The following MACROD2 variants were observed in gnomAD, a reference collection of about 807,000 sequenced individuals.
The protein encoded by MACROD2 is mono-ADP ribosylhydrolase 2.
Under a neutral mutation model 70.4 loss-of-function variants are expected in MACROD2, and 36 were observed. That is an observed-to-expected ratio of 0.51 (90% confidence interval 0.39 to 0.68). The LOEUF is 0.68. MACROD2 is among the 30% of genes least tolerant of loss of function. MACROD2 has a pLI of 0.00. For missense variants in MACROD2, 496 were observed against 538.4 expected (o/e 0.92, Z 0.78); for synonymous variants, 172 against 178.8 (o/e 0.96, Z 0.30).
rs1399520247 is a variant in MACROD2 at position 14,862,548 on chromosome 20, T to A, written c.418+177589T>A. 5.9e-4 allele frequency among the ~76,000 whole-genome samples: 12 copies of A among 20,292 alleles called. 1 individual carries two copies. The highest frequency in any genetic ancestry group is 1.3e-3 in the African/African-American group (9 of 7,136). The allele number at this position is 20,292 out of a possible 152,430, so 13.3% of individuals were successfully genotyped here. On this transcript the variant is annotated intron_variant, in intron 5 of 17. Transcript: ENST00000684519. ...ATAAATATATATAAATATATAAAAA[T>A]ATATATATAAATATAAATATATATA...
At chr20:14,025,275 G>A (rs938715417) in intron 2 of MACROD2, among the ~76,000 whole-genome samples, 1 of 151,918 alleles carries the variant, frequency 6.6e-6, no homozygotes, top group Non-Finnish European at 1.5e-5. Flanking sequence ...TTATTTGTCT[G>A]GGTAGCGTTC....
chr20:16,029,368 A>G (rs972279670), intron 15 of MACROD2, among the ~76,000 whole-genome samples: 3 of 152,222 alleles, frequency 2.0e-5, no homozygotes, highest in African/African-American at 2.4e-5. Flanking sequence ...GACACCCACA[A>G]CGAATACCTA....
At chr20:15,434,665 T>C (rs2146363517) in intron 7 of MACROD2, among the ~76,000 whole-genome samples, 2 of 152,172 alleles carry the variant, frequency 1.3e-5, no homozygotes, top group South Asian at 4.1e-4. Context: ...AATCCACTAC[T>C]GAGTATTTAT....
chr20:15,581,427 G>A lies in MACROD2; in HGVS notation c.645+81580G>A, dbSNP rs2048522451. On this transcript the variant is annotated intron_variant, in intron 8 of 17. Coordinates refer to ENST00000684519, the MANE Select transcript of MACROD2 (RefSeq NM_001351661.2). Reference sequence around the variant, plus strand: ...ACTTTTTTTCTCTTTGTGCCTCTGTGACCTCCAGTTATTTCAGTATGGAGA... The same window carrying A: ...ACTTTTTTTCTCTTTGTGCCTCTGTAACCTCCAGTTATTTCAGTATGGAGA... Among the ~76,000 whole-genome samples the A allele has an allele frequency of 2.6e-5, 4 of 152,226 alleles. No individual in the cohort carries two copies. In the South Asian group the frequency reaches 8.3e-4, roughly 32 times the overall value.
Position 15,134,000 on chromosome 20 carries a change from C to T in MACROD2, c.419-95940C>T, listed in dbSNP as rs546472293. ...TCAGCTCACTGCAAGCTCTGCCTCC[C>T]GGGTCACGCCATTCTCCTGCCTCAG... On this transcript the variant is annotated intron_variant, in intron 5 of 17. Coordinates refer to ENST00000684519, the MANE Select transcript of MACROD2 (RefSeq NM_001351661.2). Among the ~76,000 whole-genome samples the T allele has an allele frequency of 3.4e-3, 509 of 148,278 alleles. 3 individuals are homozygous for T. Among genetic ancestry groups the T allele is most frequent in the Non-Finnish European group, 5.4e-3 (363 of 67,062 alleles).
intron 4 of MACROD2, among the ~76,000 whole-genome samples, chr20:14,614,502 C>T (rs577636408): frequency 1.3e-4 from 20 of 152,162 alleles, no homozygotes; most frequent in African/African-American, 4.8e-4. Context: ...GCGTTGGGAA[C>T]GATGGCCGTA....
At chr20:15,922,701 C>A (rs2147293625) in intron 10 of MACROD2, among the ~76,000 whole-genome samples, 1 of 152,318 alleles carries the variant, frequency 6.6e-6, no homozygotes, top group South Asian at 2.1e-4. Context: ...CACCTGCTGC[C>A]CTCCCTGCTT....
At chr20:14,588,689 C>G (rs965164799) in intron 4 of MACROD2, among the ~76,000 whole-genome samples, 1 of 152,092 alleles carries the variant, frequency 6.6e-6, no homozygotes, top group African/African-American at 2.4e-5. Flanking sequence ...GTCTTGAACT[C>G]ATGACCTTGT....
In MACROD2 at chr20:14,489,316, G is replaced by T. The variant is rs562580633; in HGVS notation, c.272-4163G>T. Among the ~76,000 whole-genome samples the T allele has an allele frequency of 4.6e-5, 7 of 152,318 alleles. 1 individual carries two copies. In the South Asian group the frequency reaches 1.2e-3, roughly 27 times the overall value. ...ATTGATAGCTGTATTTGTCTGCGTAGATTGTATTTTCACAGCTGTCAGGTG... is the reference window on the plus strand; with the variant it reads ...ATTGATAGCTGTATTTGTCTGCGTATATTGTATTTTCACAGCTGTCAGGTG... On this transcript the variant is annotated intron_variant, in intron 3 of 17. Transcript: ENST00000684519.
intron 8 of MACROD2, among the ~76,000 whole-genome samples, chr20:15,643,545 A>ATGGT (rs904277415): frequency 1.4e-5 from 2 of 143,522 alleles, no homozygotes; most frequent in African/African-American, 5.3e-5. Flanking sequence ...TTTATGGAAT[A>ATGGT]TGGTTTGTTT....
chr20:14,378,320 G>A (rs558834999), intron 3 of MACROD2, among the ~76,000 whole-genome samples: 1 of 152,170 alleles, frequency 6.6e-6, no homozygotes, highest in African/African-American at 2.4e-5. Flanking sequence ...GGCTGTCATG[G>A]TTTCCAGGCC....
chr20:15,418,331 G>A (rs1178509351), intron 6 of MACROD2, among the ~76,000 whole-genome samples: 1 of 152,162 alleles, frequency 6.6e-6, no homozygotes, highest in Non-Finnish European at 1.5e-5. Flanking sequence ...ATTGTTGAAT[G>A]TGTATTCTCT....
At chr20:15,021,121 CGTGTGTAT>C (rs1276133736) in intron 5 of MACROD2, among the ~76,000 whole-genome samples, 2 of 102,146 alleles carry the variant, frequency 2.0e-5, no homozygotes, top group African/African-American at 8.5e-5. Context: ...TGTGTATACA[CGTGTGTAT>C]ACACATACGT....
chr20:14,802,036 T>A (rs1006401192), intron 5 of MACROD2, among the ~76,000 whole-genome samples: 40 of 152,154 alleles, frequency 2.6e-4, no homozygotes, highest in Admixed American at 2.4e-3. Flanking sequence ...CAGAATTTAA[T>A]TATATATGTC....
chr20:15,893,125 T>G (rs1317721388), intron 10 of MACROD2: 1 of 400,368 alleles, frequency 2.5e-6, no homozygotes, highest in African/African-American at 2.1e-5. Context: ...GGTTAAAATA[T>G]CACAGAGAAA....
At chr20:15,574,990 A>G (rs2048425494) in intron 8 of MACROD2, among the ~76,000 whole-genome samples, 1 of 152,100 alleles carries the variant, frequency 6.6e-6, no homozygotes, top group Admixed American at 6.6e-5. Flanking sequence ...TTCTCTTTAT[A>G]TGTACGTACC....
At chr20:15,088,076 T>C (rs1046284068) in intron 5 of MACROD2, among the ~76,000 whole-genome samples, 2 of 151,892 alleles carry the variant, frequency 1.3e-5, no homozygotes, top group African/African-American at 4.8e-5. Flanking sequence ...AAGTGAATTG[T>C]TTTAAAACAT....
At chr20:14,287,526 A>T (rs953314830) in intron 3 of MACROD2, among the ~76,000 whole-genome samples, 6 of 152,212 alleles carry the variant, frequency 3.9e-5, no homozygotes, top group Non-Finnish European at 7.3e-5. Flanking sequence ...GGTTGTGCTT[A>T]ATATTAATAA....
At chr20:15,408,369 C>T (rs1208928572) in intron 6 of MACROD2, among the ~76,000 whole-genome samples, 1 of 152,134 alleles carries the variant, frequency 6.6e-6, no homozygotes, top group Non-Finnish European at 1.5e-5. Context: ...GATAACAGCT[C>T]CCAGCCTTGG....
Sources: gnomAD v4.1 joint callset for allele counts (sites outside exome capture counted in the v4.1 genomes callset) on GRCh38, gnomAD v4.1.1 for gene constraint, MANE v1.5 for transcripts, NCBI Gene and HGNC (gene_info 2026-07-23, HGNC 2026-07-21) for gene names.